SUPT3H: variants seen among roughly 807,000 people sequenced by gnomAD.
The protein encoded by SUPT3H is SPT3 homolog, SAGA and STAGA complex component.
Under a neutral mutation model 44.3 loss-of-function variants are expected in SUPT3H, and 44 were observed. The observed-to-expected ratio is 0.99, with a 90% confidence interval of 0.78 to 1.28. The LOEUF is 1.28. Ranked by LOEUF, SUPT3H falls within the 50% of genes most tolerant of loss-of-function variation. The pLI is 0.00. For missense variants in SUPT3H, 380 were observed against 387.1 expected, an observed-to-expected ratio of 0.98 and a Z score of 0.15; for synonymous variants, 124 against 125.6, an observed-to-expected ratio of 0.99 and a Z score of 0.09.
chr6:45,235,665 G>C (rs1768960957), intron 2 of SUPT3H, among the ~76,000 whole-genome samples: 1 of 152,116 alleles, frequency 6.6e-6, no homozygotes, highest in South Asian at 2.1e-4. Flanking sequence ...GTTTCTACTG[G>C]ACAAGAGAAT....
chr6:45,182,660 C>T lies in SUPT3H; in HGVS notation c.102-76654G>A, dbSNP rs548303120. 2.5e-4 allele frequency among the ~76,000 whole-genome samples: 38 copies of T among 151,682 alleles called. No homozygotes were observed. In the Middle Eastern group the frequency reaches 0.01, roughly 41 times the overall value. On this transcript the variant is annotated intron_variant, in intron 2 of 10. Coordinates refer to ENST00000371459, the MANE Select transcript of SUPT3H (RefSeq NM_003599.4). ...TAATTCCTATATGGTATTTGACCTA[C>T]GAAAGCTTAATATGAAGTCTCTTAT...
intron 2 of SUPT3H, among the ~76,000 whole-genome samples, chr6:45,126,546 C>G (rs1325870098): frequency 1.3e-5 from 2 of 152,084 alleles, no homozygotes; most frequent in Non-Finnish European, 2.9e-5. Context: ...TGCACAGTAA[C>G]TACTTTTCAG....
chr6:44,909,467 T>C (rs906175341), intron 10 of SUPT3H, among the ~76,000 whole-genome samples: 4 of 152,190 alleles, frequency 2.6e-5, no homozygotes, highest in Non-Finnish European at 4.4e-5. Flanking sequence ...TTTTTAAAAA[T>C]TGGGATCAGA....
At chr6:44,893,372 C>T (rs1763607524) in intron 10 of SUPT3H, among the ~76,000 whole-genome samples, 1 of 151,560 alleles carries the variant, frequency 6.6e-6, no homozygotes, top group South Asian at 2.1e-4. Flanking sequence ...TGCTATCCCT[C>T]CCCCCTGCCC....
intron 9 of SUPT3H, among the ~76,000 whole-genome samples, chr6:44,933,688 G>C (rs1403354626): frequency 6.6e-6 from 1 of 152,172 alleles, no homozygotes; most frequent in Admixed American, 6.5e-5. Context: ...TTGTCACCTA[G>C]ACTGCAGTGC....
chr6:44,831,035 CCATCAA>C (rs1768599099), intron 10 of SUPT3H, among the ~76,000 whole-genome samples: 1 of 152,072 alleles, frequency 6.6e-6, no homozygotes, highest in African/African-American at 2.4e-5. Context: ...AGAAAGACTT[CCATCAA>C]CATGAGGTGA....
At chr6:44,997,707 A>G (rs913715999) in intron 6 of SUPT3H, among the ~76,000 whole-genome samples, 7 of 152,020 alleles carry the variant, frequency 4.6e-5, no homozygotes, top group South Asian at 2.1e-4. Flanking sequence ...AAGTGGTAAC[A>G]GTGGGCATTC....
chr6:45,230,839 A>AT (rs1178676901), intron 2 of SUPT3H, among the ~76,000 whole-genome samples: 1 of 151,072 alleles, frequency 6.6e-6, no homozygotes. Flanking sequence ...TGCCTGGCTA[A>AT]TTTTTTGTAT....
chr6:44,823,931 C>T (rs1038925268), downstream of SUPT3H, among the ~76,000 whole-genome samples: 1 of 152,134 alleles, frequency 6.6e-6, no homozygotes, highest in African/African-American at 2.4e-5. Context: ...CCATTGCACT[C>T]CAGCCTGGGC....
rs565947320 is a variant in SUPT3H at position 44,994,928 on chromosome 6, GT to G, written c.504+8724del. On this transcript the variant is annotated intron_variant, in intron 6 of 10. Coordinates refer to ENST00000371459, the MANE Select transcript of SUPT3H (RefSeq NM_003599.4). Reference sequence around the variant, plus strand: ...TAGCTGCTTAATTTTGTTTGAATTGGTTTTTTTTTTTTAATTAACTGCAATC... The same window carrying G: ...TAGCTGCTTAATTTTGTTTGAATTGGTTTTTTTTTTTAATTAACTGCAATC... Among the ~76,000 whole-genome samples, 1,269 of 143,866 alleles carry G rather than the reference GT, an allele frequency of 8.8e-3. 17 individuals carry two copies. Among genetic ancestry groups the G allele is most frequent in the African/African-American group, 0.026 (1,022 of 39,566 alleles). The allele number at this position is 143,866 out of a possible 152,430, so 94.4% of individuals were successfully genotyped here.
chr6:45,317,237 A>G (rs1784838158), intron 2 of SUPT3H, among the ~76,000 whole-genome samples: 1 of 150,370 alleles, frequency 6.7e-6, no homozygotes, highest in Non-Finnish European at 1.5e-5. Context: ...CAAAAAAAAA[A>G]AAAAAAAAAA....
intron 2 of SUPT3H, among the ~76,000 whole-genome samples, chr6:45,289,204 T>C (rs191850402): frequency 1.6e-4 from 24 of 152,288 alleles, no homozygotes; most frequent in Admixed American, 2.6e-4. Flanking sequence ...CCCTTTATGT[T>C]GTTAAATTGT....
At chr6:44,902,505 A>C (rs1765253643) in intron 10 of SUPT3H, among the ~76,000 whole-genome samples, 1 of 152,210 alleles carries the variant, frequency 6.6e-6, no homozygotes, top group Non-Finnish European at 1.5e-5. Context: ...ATATGCACCC[A>C]ATACAGGAGC....
At chr6:44,961,534 C>A (rs1776019514) in intron 7 of SUPT3H, among the ~76,000 whole-genome samples, 1 of 152,114 alleles carries the variant, frequency 6.6e-6, no homozygotes, top group Non-Finnish European at 1.5e-5. Flanking sequence ...ATATTACCAG[C>A]ACCACTTAAG....
chr6:45,223,219 A>G (rs1048964146), intron 2 of SUPT3H, among the ~76,000 whole-genome samples: 3 of 152,124 alleles, frequency 2.0e-5, no homozygotes, highest in South Asian at 4.1e-4. Context: ...AAATCTTCAC[A>G]AAATCAATGG....
intron 6 of SUPT3H, among the ~76,000 whole-genome samples, chr6:44,971,112 T>A (rs1045728161): frequency 6.6e-6 from 1 of 152,204 alleles, no homozygotes; most frequent in Non-Finnish European, 1.5e-5. Flanking sequence ...TTATCTTAGT[T>A]TTTTCAGTAA....
At position 45,049,528 on chromosome 6, in the gene SUPT3H, A is replaced by G. The variant is rs530012755; in HGVS notation, c.187-28896T>C. Among the ~76,000 whole-genome samples the G allele has an allele frequency of 1.8e-3, 280 of 152,304 alleles. 1 individual carries two copies. The highest frequency in any genetic ancestry group is 6.3e-3 in the African/African-American group (260 of 41,554). Reference sequence around the variant, plus strand: ...TTATTTTCCTAAGTTCTTGTATCAAATGAAACTATAATGACATTTCACGAC... The same window carrying G: ...TTATTTTCCTAAGTTCTTGTATCAAGTGAAACTATAATGACATTTCACGAC... On this transcript the variant is annotated intron_variant, in intron 3 of 10. Transcript: ENST00000371459.
rs1315728378 is a variant in SUPT3H, at chr6:45,194,357, G to A, written c.102-88351C>T. 3.9e-5 allele frequency among the ~76,000 whole-genome samples: 6 copies of A among 152,034 alleles called. No individual in the cohort carries two copies. In the South Asian group the frequency reaches 8.3e-4, roughly 21 times the overall value. On this transcript the variant is annotated intron_variant, in intron 2 of 10. Transcript: ENST00000371459. ...ACTTTAAAGTGTTGTTTGTGGTGTG[G>A]AGGAAGAAGAAAAACCACCTCTATT...
intron 2 of SUPT3H, among the ~76,000 whole-genome samples, chr6:45,309,210 A>T (rs1246236827): frequency 6.6e-6 from 1 of 151,898 alleles, no homozygotes; most frequent in Non-Finnish European, 1.5e-5. Context: ...CCACAAAGAA[A>T]TGAAGATAAA....
Sources: gnomAD v4.1 joint callset for allele counts (sites outside exome capture counted in the v4.1 genomes callset) on GRCh38, gnomAD v4.1.1 for gene constraint, MANE v1.5 for transcripts, NCBI Gene and HGNC (gene_info 2026-07-23, HGNC 2026-07-21) for gene names.